The following LINGO2 variants were observed in gnomAD, a reference collection of about 807,000 sequenced individuals.
LINGO2 encodes the protein leucine rich repeat and Ig domain containing 2.
In LINGO2, 14 loss-of-function variants were observed where a neutral mutation model predicts 30.6. The observed-to-expected ratio is 0.46, with a 90% CI of 0.30 to 0.72. LINGO2 has a LOEUF of 0.72. Among genes scored for constraint, LINGO2 ranks in the 30% least tolerant of loss-of-function variants. LINGO2 has a pLI of 0.07. For missense variants in LINGO2, 729 were observed against 751.7 expected, an observed-to-expected ratio of 0.97 and a Z score of 0.35; for synonymous variants, 317 against 288.5, an observed-to-expected ratio of 1.10 and a Z score of -1.00.
At chr9:29,124,088 G>C in the LINGO2 span, among the ~76,000 whole-genome samples, 1 of 152,006 alleles carries the variant, frequency 6.6e-6, no homozygotes, top group East Asian at 1.9e-4. Flanking sequence ...ACACAACAGA[G>C]GCCTCAGAAA....
chr9:28,892,988 G>C, the LINGO2 span, among the ~76,000 whole-genome samples: 1 of 151,962 alleles, frequency 6.6e-6, no homozygotes, highest in Non-Finnish European at 1.5e-5. Flanking sequence ...TATAAGAAAT[G>C]TTTCAAAATG....
At chr9:28,654,479 G>T (rs946625706) in intron 1 of LINGO2, among the ~76,000 whole-genome samples, 6 of 129,188 alleles carry the variant, frequency 4.6e-5, no homozygotes, top group Non-Finnish European at 9.5e-5. Flanking sequence ...ACATGAATTG[G>T]ATTGATTGAG....
the LINGO2 span, among the ~76,000 whole-genome samples, chr9:28,919,042 A>T: frequency 1.3e-5 from 2 of 152,164 alleles, no homozygotes; most frequent in African/African-American, 4.8e-5. Context: ...ATAGGTAAAA[A>T]TTACTTAACT....
chr9:28,544,461 G>T (rs971763814), intron 1 of LINGO2, among the ~76,000 whole-genome samples: 2 of 151,934 alleles, frequency 1.3e-5, no homozygotes, highest in South Asian at 4.1e-4. Context: ...CAGGTACACC[G>T]AACCCTCTCT....
At chr9:29,025,657 C>T in the LINGO2 span, among the ~76,000 whole-genome samples, 1 of 152,142 alleles carries the variant, frequency 6.6e-6, no homozygotes, top group Non-Finnish European at 1.5e-5. Flanking sequence ...GTTACCATTG[C>T]TGTGATGAGA....
At chr9:28,896,442 G>C in the LINGO2 span, among the ~76,000 whole-genome samples, 3 of 151,568 alleles carry the variant, frequency 2.0e-5, no homozygotes, top group Non-Finnish European at 4.4e-5. Context: ...AGAGTCAAAA[G>C]ACAGATGTAA....
chr9:28,820,246 GAA>G, the LINGO2 span, among the ~76,000 whole-genome samples: 2 of 138,918 alleles, frequency 1.4e-5, no homozygotes. Flanking sequence ...GAGAAAAGAT[GAA>G]AAAAAAAAAA....
intron 2 of LINGO2, among the ~76,000 whole-genome samples, chr9:28,462,571 A>C (rs543445153): frequency 1.3e-5 from 2 of 152,128 alleles, no homozygotes; most frequent in South Asian, 4.1e-4. Context: ...CTCTTCAACC[A>C]TTATTTTACA....
chr9:28,895,449 T>C, the LINGO2 span, among the ~76,000 whole-genome samples: 2 of 152,244 alleles, frequency 1.3e-5, no homozygotes, highest in Non-Finnish European at 2.9e-5. Flanking sequence ...GGGACATCTG[T>C]CCAGAAACTG....
chr9:28,341,528 T>C (rs1454190807), intron 3 of LINGO2, among the ~76,000 whole-genome samples: 1 of 152,018 alleles, frequency 6.6e-6, no homozygotes, highest in Non-Finnish European at 1.5e-5. Flanking sequence ...TGAAAGCAGC[T>C]AATAAAGCAC....
Position 28,045,164 on chromosome 9 carries a change from C to T in LINGO2, c.-86-32759G>A, listed in dbSNP as rs541881512. Among the ~76,000 whole-genome samples, 4 of 151,972 alleles carry T rather than the reference C, an allele frequency of 2.6e-5. No individual in the cohort carries two copies. The East Asian group carries it at 7.8e-4, about 29-fold the overall frequency. ...ATTTTCCGGTCCATTCCCACCACTACCCCTCCAAAAAAAACCCACACACAC... is the reference window on the plus strand; with the variant it reads ...ATTTTCCGGTCCATTCCCACCACTATCCCTCCAAAAAAAACCCACACACAC... On this transcript the variant is annotated intron_variant, in intron 4 of 5. Transcript: ENST00000379992.
intron 3 of LINGO2, among the ~76,000 whole-genome samples, chr9:28,339,858 A>G (rs761890662): frequency 2.6e-5 from 4 of 152,136 alleles, no homozygotes; most frequent in Non-Finnish European, 5.9e-5. Context: ...AATTCTGGAC[A>G]ACTCTGTTGA....
At chr9:28,945,298 G>A in the LINGO2 span, among the ~76,000 whole-genome samples, 1 of 152,128 alleles carries the variant, frequency 6.6e-6, no homozygotes, top group South Asian at 2.1e-4. Flanking sequence ...TTATTAAAAG[G>A]TATTGATAAA....
chr9:29,200,069 T>A, the LINGO2 span, among the ~76,000 whole-genome samples: 1 of 151,934 alleles, frequency 6.6e-6, no homozygotes, highest in African/African-American at 2.4e-5. Flanking sequence ...ATTACAGAAA[T>A]AGGAAAAATG....
intron 4 of LINGO2, among the ~76,000 whole-genome samples, chr9:28,139,741 T>TG (rs1827621479): frequency 2.0e-5 from 3 of 151,606 alleles, no homozygotes. Context: ...TATCACGAAA[T>TG]AAAAAAAATA....
intron 3 of LINGO2, among the ~76,000 whole-genome samples, chr9:28,298,811 A>G (rs1003662749): frequency 5.3e-5 from 8 of 152,224 alleles, no homozygotes; most frequent in African/African-American, 1.7e-4. Context: ...GGGGCATGGC[A>G]TACAGAAGTG....
the LINGO2 span, among the ~76,000 whole-genome samples, chr9:29,135,917 G>A: frequency 5.9e-5 from 9 of 152,128 alleles, no homozygotes; most frequent in East Asian, 3.9e-4. Flanking sequence ...GCATAATGTC[G>A]TCAAGGTTCA....
At chr9:28,870,270 C>A in the LINGO2 span, among the ~76,000 whole-genome samples, 1 of 152,048 alleles carries the variant, frequency 6.6e-6, no homozygotes, top group Admixed American at 6.6e-5. Flanking sequence ...AACTGCACAA[C>A]ATTATTTTTT....
chr9:28,552,416 T>C (rs1423613580), intron 1 of LINGO2, among the ~76,000 whole-genome samples: 1 of 152,110 alleles, frequency 6.6e-6, no homozygotes, highest in Non-Finnish European at 1.5e-5. Flanking sequence ...TAACTCATAC[T>C]GTCTCATCAG....
Sources: gnomAD v4.1 joint callset for allele counts (sites outside exome capture counted in the v4.1 genomes callset) on GRCh38, gnomAD v4.1.1 for gene constraint, MANE v1.5 for transcripts, NCBI Gene and HGNC (gene_info 2026-07-23, HGNC 2026-07-21) for gene names.